The following B4GALNT3 variants were observed in gnomAD, a reference collection of about 807,000 sequenced individuals.
B4GALNT3 encodes the protein beta-1,4-N-acetylgalactosaminyltransferase 3.
B4GALNT3 carries 86 observed loss-of-function variants against 120.2 expected under a neutral mutation model. The observed-to-expected ratio is 0.72, with a 90% CI of 0.60 to 0.86. The LOEUF (loss-of-function observed/expected upper bound fraction) is 0.86, where lower values mean the gene tolerates loss of function less well. Ranked by LOEUF, B4GALNT3 falls within the 40% of genes least tolerant of loss-of-function variation. B4GALNT3 has a pLI of 0.00. For missense variants in B4GALNT3, 1,167 were observed against 1,298.9 expected, an observed-to-expected ratio of 0.90 and a Z score of 1.56; for synonymous variants, 518 against 510.4, an observed-to-expected ratio of 1.01 and a Z score of -0.20.
intron 14 of B4GALNT3, among the ~76,000 whole-genome samples, chr12:556,248 G>T (rs1947155098): frequency 6.6e-6 from 1 of 152,102 alleles, no homozygotes; most frequent in East Asian, 1.9e-4. Flanking sequence ...TTTATTGAGG[G>T]TCAGTTTCTC....
intron 1 of B4GALNT3, among the ~76,000 whole-genome samples, chr12:461,245 A>G (rs1946020070): frequency 1.3e-5 from 2 of 151,928 alleles, no homozygotes; most frequent in Non-Finnish European, 2.9e-5. Context: ...CAAACTCCCC[A>G]GTTTAAGGAG....
At chr12:542,641 G>A (rs1323913996) in intron 3 of B4GALNT3, among the ~76,000 whole-genome samples, 3 of 152,108 alleles carry the variant, frequency 2.0e-5, no homozygotes, top group Non-Finnish European at 4.4e-5. Context: ...CAAATTTCCA[G>A]CCCTGCCACC....
intron 1 of B4GALNT3, among the ~76,000 whole-genome samples, chr12:463,188 CCTG>C (rs1371235607): frequency 6.6e-6 from 1 of 152,192 alleles, no homozygotes; most frequent in East Asian, 1.9e-4. Flanking sequence ...CTTTCATTTG[CCTG>C]TCCCTGTGTT....
At chr12:524,843 C>T (rs1035919795) in intron 1 of B4GALNT3, among the ~76,000 whole-genome samples, 34 of 152,224 alleles carry the variant, frequency 2.2e-4, no homozygotes, top group African/African-American at 7.0e-4. Flanking sequence ...AAGTGCTTAG[C>T]GTGATGACTG....
At chr12:503,842 T>C (rs1365621606) in intron 1 of B4GALNT3, among the ~76,000 whole-genome samples, 2 of 152,140 alleles carry the variant, frequency 1.3e-5, no homozygotes, top group African/African-American at 4.8e-5. Flanking sequence ...TGGCCGGGCA[T>C]GGTGGCTCAC....
At chr12:496,686 A>C (rs988863520) in intron 1 of B4GALNT3, among the ~76,000 whole-genome samples, 3 of 152,080 alleles carry the variant, frequency 2.0e-5, no homozygotes, top group Admixed American at 6.5e-5. Context: ...CTAGTTCCCA[A>C]ATATTTCCGT....
At chr12:465,104 C>A (rs1367717666) in intron 1 of B4GALNT3, among the ~76,000 whole-genome samples, 1 of 152,172 alleles carries the variant, frequency 6.6e-6, no homozygotes, top group Non-Finnish European at 1.5e-5. Flanking sequence ...AGCACAACCG[C>A]CTCGTGTGCT....
At chr12:559,560 C>A in intron 19 of B4GALNT3, 139 bp downstream of exon 19, 2 of 1,264,120 alleles carry the variant, frequency 1.6e-6, no homozygotes, top group Non-Finnish European at 2.2e-6. Context: ...ACTCGGAGGA[C>A]GCCCTCAAAT....
intron 1 of B4GALNT3, among the ~76,000 whole-genome samples, chr12:507,403 G>A (rs374173982): frequency 7.2e-5 from 11 of 152,192 alleles, no homozygotes; most frequent in Non-Finnish European, 8.8e-5. Flanking sequence ...CAGAGCCCCC[G>A]TCTGGAAGTG....
chr12:475,140 A>G (rs11063149), intron 1 of B4GALNT3, among the ~76,000 whole-genome samples: 5,551 of 152,068 alleles, frequency 0.037, 128 homozygotes, highest in African/African-American at 0.058. Flanking sequence ...GAGAAGAGAG[A>G]AAAGAAAAAA....
intron 6 of B4GALNT3, among the ~76,000 whole-genome samples, chr12:545,736 C>CGAGGTGTGGGGAGGAGT (rs1946991861): frequency 3.3e-5 from 2 of 59,854 alleles, no homozygotes; most frequent in African/African-American, 1.4e-4. Context: ...TGGGGAGGAG[C>CGAGGTGTGGGGAGGAGT]GAGGAGTGGG....
rs1947113973 is a variant in B4GALNT3, at chr12:553,927, G to A, written c.2004G>A (p.Gln668=). 2 of 1,613,796 alleles carry A rather than the reference G, an allele frequency of 1.2e-6. No individual in the cohort carries two copies. Among genetic ancestry groups the A allele is most frequent in the African/African-American group, 2.7e-5 (2 of 75,036 alleles). ...CTGGCAACCTGCTGCTTCCAGAGCA[G>A]GAAGCTCTGGAGGTCACGCGAGTCT... ...NTSGNLLLPE[Q]EALEVTRVFL... is the part of the protein sequence containing the mutation. The change falls in exon 14 of 20, where the codon CAG becomes CAA. Residue 668 remains glutamine, a synonymous_variant. Transcript: ENST00000266383.
chr12:512,179 G>T (rs376842082), intron 1 of B4GALNT3, among the ~76,000 whole-genome samples: 2 of 16,662 alleles, frequency 1.2e-4, no homozygotes, highest in Non-Finnish European at 2.0e-4. Context: ...TCCGCCTTCC[G>T]CCTTCCACCT....
At chr12:476,899 G>T (rs1409177879) in intron 1 of B4GALNT3, among the ~76,000 whole-genome samples, 1 of 152,154 alleles carries the variant, frequency 6.6e-6, no homozygotes, top group African/African-American at 2.4e-5. Flanking sequence ...TCTTCTTCTA[G>T]GCCCATGGCA....
intron 1 of B4GALNT3, among the ~76,000 whole-genome samples, chr12:506,567 G>T (rs2120556031): frequency 6.6e-6 from 1 of 152,106 alleles, no homozygotes; most frequent in Admixed American, 6.5e-5. Context: ...TGTTTTCTAT[G>T]CCTCTGTGAT....
intron 5 of B4GALNT3, 186 bp from the exon 6 acceptor site, chr12:545,183 C>T (rs1946977548): frequency 6.9e-7 from 1 of 1,444,472 alleles, no homozygotes; most frequent in Non-Finnish European, 9.1e-7. Context: ...ACCAGCTCAT[C>T]TCTCCATATA....
At position 556,643 on chromosome 12, in the gene B4GALNT3, C is replaced by G. The variant is rs1249421468; in HGVS notation, c.2157C>G (p.Gly719=). 9 of 1,613,902 alleles carry G rather than the reference C, an allele frequency of 5.6e-6. No individual in the cohort carries two copies. The highest frequency in any genetic ancestry group is 7.6e-6 in the Non-Finnish European group (9 of 1,180,046). The change falls in exon 15 of 20, where the codon GGC becomes GGG. Residue 719 remains glycine, a synonymous_variant. Transcript: ENST00000266383. ...YLLELELLEQ[G]QRVVRLSEYV... Reference sequence around the variant, plus strand: ...TGGAGCTTGAACTGTTGGAACAAGGCCAGCGCGTGGTGCGGCTCTCGGAGT... The same window carrying G: ...TGGAGCTTGAACTGTTGGAACAAGGGCAGCGCGTGGTGCGGCTCTCGGAGT...
At chr12:558,478 T>A in intron 17 of B4GALNT3, 30 bp from the exon 18 acceptor site, 1 of 1,608,624 alleles carries the variant, frequency 6.2e-7, no homozygotes, top group South Asian at 1.1e-5. Context: ...GTCTGCAGGG[T>A]CTGCTGACCC....
chr12:482,920 T>C (rs563431576), intron 1 of B4GALNT3, among the ~76,000 whole-genome samples: 1 of 152,300 alleles, frequency 6.6e-6, no homozygotes, highest in African/African-American at 2.4e-5. Flanking sequence ...TCTCTCTTTT[T>C]TTCTGGAGAC....
Sources: gnomAD v4.1 joint callset for allele counts (sites outside exome capture counted in the v4.1 genomes callset) on GRCh38, gnomAD v4.1.1 for gene constraint, MANE v1.5 for transcripts, NCBI Gene and HGNC (gene_info 2026-07-23, HGNC 2026-07-21) for gene names.